The following LIMCH1 variants were observed in gnomAD, a reference collection of about 807,000 sequenced individuals.
LIMCH1 encodes the protein LIM and calponin homology domains 1, also known as LIM and calponin homology domains-containing protein 1.
Under a neutral mutation model 176.5 loss-of-function variants are expected in LIMCH1, and 113 were observed. The observed-to-expected ratio is 0.64, with a 90% CI of 0.55 to 0.75. The LOEUF (loss-of-function observed/expected upper bound fraction) is 0.75, where lower values mean the gene tolerates loss of function less well. Ranked by LOEUF, LIMCH1 falls within the 30% of genes least tolerant of loss-of-function variation. The probability of loss-of-function intolerance (pLI) is 0.00; values close to 1 mark genes in which losing one functional copy is unlikely to be tolerated. For missense variants in LIMCH1, 1,674 were observed against 1,814.9 expected (o/e 0.92, Z 1.41); for synonymous variants, 619 against 645.9 (o/e 0.96, Z 0.63).
chr4:41,533,139 T>A (rs2077504725), intron 3 of LIMCH1, among the ~76,000 whole-genome samples: 1 of 152,034 alleles, frequency 6.6e-6, no homozygotes, highest in Non-Finnish European at 1.5e-5. Flanking sequence ...GCTTGCATCA[T>A]CAGAGTGAGC....
At chr4:41,660,121 T>C (rs1050920788) in intron 18 of LIMCH1, among the ~76,000 whole-genome samples, 2 of 152,206 alleles carry the variant, frequency 1.3e-5, no homozygotes, top group Non-Finnish European at 2.9e-5. Context: ...ATCATATACA[T>C]GTAAACATCA....
At chr4:41,526,921 T>C (rs1462452794) in intron 3 of LIMCH1, among the ~76,000 whole-genome samples, 1 of 152,238 alleles carries the variant, frequency 6.6e-6, no homozygotes, top group Non-Finnish European at 1.5e-5. Context: ...TTGCCTGGAC[T>C]ATAATAGTTG....
chr4:41,619,121 A>C, intron 5 of LIMCH1, 67 bp from the exon 6 acceptor site: 1 of 1,563,986 alleles, frequency 6.4e-7, no homozygotes, highest in Non-Finnish European at 8.8e-7. Flanking sequence ...TCCCTAATGC[A>C]TGCTTAACAT....
Position 41,367,709 on chromosome 4 carries a change from A to G in LIMCH1, c.96+6773A>G, listed in dbSNP as rs1487645903. ...CAAAAAAAAAAAAAAAAAAAAAAGGAAAGAAAAATCATCCGGGCGTGGTGG... is the reference window on the plus strand; with the variant it reads ...CAAAAAAAAAAAAAAAAAAAAAAGGGAAGAAAAATCATCCGGGCGTGGTGG... On this transcript the variant is annotated intron_variant, in intron 1 of 26. Transcript: ENST00000313860. 2.9e-5 allele frequency among the ~76,000 whole-genome samples: 4 copies of G among 138,584 alleles called. No individual in the cohort carries two copies. In the East Asian group the frequency reaches 8.3e-4, roughly 29 times the overall value. The allele number at this position is 138,584 out of a possible 152,430, so 90.9% of individuals were successfully genotyped here. A position where few individuals can be genotyped will look rare whatever the true frequency, so the allele number is the denominator to read the frequency against.
chr4:41,404,825 A>G (rs1250006537), intron 1 of LIMCH1, among the ~76,000 whole-genome samples: 1 of 152,118 alleles, frequency 6.6e-6, no homozygotes, highest in African/African-American at 2.4e-5. Flanking sequence ...ATATGGAGGC[A>G]AGGACCCAAT....
At chr4:41,637,184 T>TTTTCCTTTTCC (rs2093629344) in intron 13 of LIMCH1, among the ~76,000 whole-genome samples, 1 of 152,054 alleles carries the variant, frequency 6.6e-6, no homozygotes, top group South Asian at 2.1e-4. Flanking sequence ...CTCCTTTTCC[T>TTTTCCTTTTCC]TTTCCTTTCC....
intron 4 of LIMCH1, among the ~76,000 whole-genome samples, chr4:41,607,400 T>C (rs1288605153): frequency 2.6e-5 from 4 of 152,268 alleles, no homozygotes; most frequent in Non-Finnish European, 5.9e-5. Flanking sequence ...TACTTTAAGC[T>C]GAATTCCTTT....
chr4:41,688,310 C>G (rs781237377), intron 29 of LIMCH1, among the ~76,000 whole-genome samples: 11 of 152,312 alleles, frequency 7.2e-5, no homozygotes, highest in African/African-American at 2.6e-4. Context: ...GGCTGACAAA[C>G]GAAACTTCAT....
At chr4:41,682,299 T>G (rs1474828999) in intron 25 of LIMCH1, 34 bp from the exon 26 acceptor site, 1 of 1,568,008 alleles carries the variant, frequency 6.4e-7, no homozygotes, top group Non-Finnish European at 8.7e-7. Context: ...TTTTTAAAAT[T>G]TATACTTAAG....
chr4:41,641,676 A>G (rs1023729266), intron 14 of LIMCH1, among the ~76,000 whole-genome samples: 2 of 152,210 alleles, frequency 1.3e-5, no homozygotes, highest in Non-Finnish European at 2.9e-5. Flanking sequence ...AGGTGATTTT[A>G]TACAATAGTT....
rs1037624554 is a variant in LIMCH1 at position 41,680,017 on chromosome 4, G to A, written c.3531G>A (p.Gln1177=). ...AAATTCCATAACAGGAGAGATACCA[G>A]AAGGAGCAGGACAAGCTGAAAGAAG... is the stretch of plus-strand genomic sequence containing the variant. ...EQERLLQERY[Q]KEQDKLKEEW... The change falls in exon 24 of 32, where the codon CAG becomes CAA. Residue 1177 remains glutamine, a synonymous_variant. Transcript: ENST00000503057. 4 of 1,609,114 alleles carry A rather than the reference G, an allele frequency of 2.5e-6. No homozygotes were observed. In the African/African-American group the frequency reaches 5.3e-5, roughly 21 times the overall value.
intron 18 of LIMCH1, among the ~76,000 whole-genome samples, chr4:41,652,405 T>C (rs530279938): frequency 1.3e-5 from 2 of 152,342 alleles, no homozygotes; most frequent in South Asian, 2.1e-4. Context: ...TCCAGGCCAC[T>C]GCGGAGTCTC....
chr4:41,538,728 G>A (rs370796196), intron 1 of LIMCH1, among the ~76,000 whole-genome samples: 2 of 152,282 alleles, frequency 1.3e-5, no homozygotes, highest in African/African-American at 4.8e-5. Flanking sequence ...ACATGGTGTT[G>A]TGGGGGAGAT....
chr4:41,663,772 C>G (rs1227074638), intron 20 of LIMCH1, among the ~76,000 whole-genome samples: 1 of 144,584 alleles, frequency 6.9e-6, no homozygotes, highest in Non-Finnish European at 1.5e-5. Context: ...AATCCCAGCA[C>G]TTTGGGAGGC....
chr4:41,438,270 A>G (rs1373193305), intron 1 of LIMCH1, among the ~76,000 whole-genome samples: 1 of 152,218 alleles, frequency 6.6e-6, no homozygotes, highest in Non-Finnish European at 1.5e-5. Context: ...TCAGAGAAGT[A>G]AAGGAACTTG....
intron 1 of LIMCH1, among the ~76,000 whole-genome samples, chr4:41,367,110 C>T (rs2053131608): frequency 2.0e-5 from 3 of 152,174 alleles, no homozygotes; most frequent in Admixed American, 1.3e-4. Context: ...GTAACCGCCC[C>T]CGTGATCCAG....
chr4:41,448,592 A>G (rs1328791920), intron 1 of LIMCH1, among the ~76,000 whole-genome samples: 3 of 152,130 alleles, frequency 2.0e-5, no homozygotes, highest in Non-Finnish European at 4.4e-5. Context: ...AATTCATATA[A>G]CACACATTTT....
rs767081335 is a variant in LIMCH1 at position 41,605,972 on chromosome 4, G to C, written c.-24G>C. On this transcript the variant is annotated 5_prime_UTR_variant, in exon 4 of 32. Coordinates refer to ENST00000503057, the MANE Select transcript of LIMCH1 (RefSeq NM_001330672.2). ...CAGCGGAACGACACTAAACCTGAAGGAGTTTGAAGGATTGTTGGCTCAGAT... is the reference window on the plus strand; with the variant it reads ...CAGCGGAACGACACTAAACCTGAAGCAGTTTGAAGGATTGTTGGCTCAGAT... 1 of 1,613,720 alleles carries C rather than the reference G, an allele frequency of 6.2e-7. No homozygotes were observed. The highest frequency in any genetic ancestry group is 2.2e-5 in the East Asian group (1 of 44,860).
chr4:41,447,851 C>T (rs1043105383), intron 1 of LIMCH1, among the ~76,000 whole-genome samples: 1 of 151,966 alleles, frequency 6.6e-6, no homozygotes, highest in Non-Finnish European at 1.5e-5. Context: ...AGTGCAGTGG[C>T]GCGATTTCCG....
Sources: allele counts gnomAD v4.1 joint callset (sites outside exome capture counted in the v4.1 genomes callset), GRCh38; gene constraint gnomAD v4.1.1; transcripts MANE v1.5; gene names NCBI Gene and HGNC (gene_info 2026-07-23, HGNC 2026-07-21).